GNL3L: variants seen among roughly 807,000 people sequenced by gnomAD.
GNL3L encodes the protein guanine nucleotide-binding protein-like 3-like protein.
Under a neutral mutation model 42.9 loss-of-function variants are expected in GNL3L, and 4 were observed. That is an observed-to-expected ratio of 0.09 (90% CI 0.05 to 0.21). GNL3L has a LOEUF of 0.21. Ranked by LOEUF, GNL3L falls within the 10% of genes least tolerant of loss-of-function variation. The pLI, the probability that GNL3L is intolerant of heterozygous loss-of-function variation, is 1.00. For missense variants in GNL3L, 412 were observed against 481.7 expected (o/e 0.86, Z 1.36); for synonymous variants, 159 against 176.3 (o/e 0.90, Z 0.78).
At chrX:54,605,197 T>C (rs748844905) in intron 16 of GNL3L, among the ~76,000 whole-genome samples, 2 of 112,026 alleles carry the variant, frequency 1.8e-5, no homozygotes, top group Non-Finnish European at 3.8e-5. Context: ...TGAATTTCCA[T>C]TTGCATACAT....
At chrX:54,608,221 G>A (rs1926121399) in intron 16 of GNL3L, among the ~76,000 whole-genome samples, 1 of 110,436 alleles carries the variant, frequency 9.1e-6, no homozygotes, top group African/African-American at 3.3e-5. Context: ...TCTTTTTTTT[G>A]CCTGACACTT....
chrX:54,632,651 G>T, the GNL3L span, among the ~76,000 whole-genome samples: 1 of 111,243 alleles, frequency 9.0e-6, no homozygotes, highest in South Asian at 3.8e-4. Flanking sequence ...TTTCTCTGGA[G>T]ATTTTCCTTC....
intron 16 of GNL3L, among the ~76,000 whole-genome samples, chrX:54,594,012 C>T (rs1367186458): frequency 9.0e-6 from 1 of 111,713 alleles, no homozygotes; most frequent in East Asian, 2.8e-4. Flanking sequence ...TGTTTTTTGA[C>T]CTAACATAAC....
At chrX:54,622,273 ATTTTTTTTTTTT>A (rs773487259), downstream of GNL3L, among the ~76,000 whole-genome samples, 15 of 59,002 alleles carry the variant, frequency 2.5e-4, no homozygotes, top group East Asian at 5.3e-4. Flanking sequence ...AGTTGCAGGA[ATTTTTTTTTTTT>A]TTTTTTTTTT....
intron 16 of GNL3L, among the ~76,000 whole-genome samples, chrX:54,596,661 C>T (rs1051728146): frequency 8.9e-6 from 1 of 112,229 alleles, no homozygotes; most frequent in Non-Finnish European, 1.9e-5. Flanking sequence ...ACCCCAGGCT[C>T]TGGGCAGGTC....
At position 54,562,502 on chromosome X, in the gene GNL3L, C is replaced by T. The variant is rs749263221; in HGVS notation, c.*1900C>T. Among the ~76,000 whole-genome samples the T allele has an allele frequency of 2.7e-5, 3 of 111,514 alleles. No individual in the cohort carries two copies. Among genetic ancestry groups the T allele is most frequent in the African/African-American group, 9.8e-5 (3 of 30,686 alleles). On this transcript the variant is annotated 3_prime_UTR_variant, in exon 16 of 16. Transcript: ENST00000360845. ...ACAAGACCACTCTTGTATTCAGGGG[C>T]AACCAAAGGAGAGAATTACGTACTT... is the stretch of plus-strand genomic sequence containing the variant.
At chrX:54,634,645 A>ATT in the GNL3L span, among the ~76,000 whole-genome samples, 1 of 93,193 alleles carries the variant, frequency 1.1e-5, no homozygotes. Context: ...AGCCTGGCTA[A>ATT]TTTTTTTTTT....
At chrX:54,547,731 G>A (rs889634380) in intron 8 of GNL3L, among the ~76,000 whole-genome samples, 3 of 111,424 alleles carry the variant, frequency 2.7e-5, no homozygotes, top group Non-Finnish European at 3.8e-5. Context: ...GGAAGAGGAG[G>A]GAGGGAATTC....
At position 54,607,082 on chromosome X, in the gene GNL3L, C is replaced by CTTTCTTTCTTTCT. The variant is rs1557200532; in HGVS notation, c.*46-13761_*46-13760insTCTTTCTTTCTTT. Among the ~76,000 whole-genome samples the CTTTCTTTCTTTCT allele has an allele frequency of 3.8e-3, 84 of 21,985 alleles. 9 individuals are homozygous for CTTTCTTTCTTTCT. Among genetic ancestry groups the CTTTCTTTCTTTCT allele is most frequent in the African/African-American group, 9.2e-3 (78 of 8,510 alleles). 19.1% of individuals were successfully genotyped at this position (21,985 alleles called of 115,157 possible). On this transcript the variant is annotated intron_variant, in intron 16 of 16. Coordinates refer to the GNL3L transcript ENST00000674498. ...TTTCTTTCTTTCTTTCTCTTTCTTT[C>CTTTCTTTCTTTCT]TTCTTTCTTTCTTTCTTTCTTTCTT...
intron 16 of GNL3L, among the ~76,000 whole-genome samples, chrX:54,590,759 TTATG>T (rs1405931703): frequency 3.6e-5 from 4 of 111,345 alleles, no homozygotes; most frequent in African/African-American, 9.9e-5. Context: ...GGTCTTAGAT[TTATG>T]TATTTATTTA....
At chrX:54,594,667 G>A (rs1026999244) in intron 16 of GNL3L, among the ~76,000 whole-genome samples, 24 of 109,196 alleles carry the variant, frequency 2.2e-4, no homozygotes, top group Non-Finnish European at 3.3e-4. Context: ...CTGGTTTTTT[G>A]GTTGTTTTGT....
intron 16 of GNL3L, among the ~76,000 whole-genome samples, chrX:54,619,854 G>A (rs1050752487): frequency 7.1e-5 from 8 of 111,920 alleles, no homozygotes; most frequent in African/African-American, 2.6e-4. Flanking sequence ...TAGTGAACCA[G>A]GCACTGGTAC....
intron 14 of GNL3L, among the ~76,000 whole-genome samples, chrX:54,555,054 C>T (rs147905629): frequency 0.012 from 1,288 of 109,990 alleles, 16 homozygotes; most frequent in African/African-American, 0.041. Flanking sequence ...ACTCTGTCAC[C>T]CAGGCTGCAG....
downstream of GNL3L, among the ~76,000 whole-genome samples, chrX:54,571,773 A>T (rs1925546933): frequency 9.3e-6 from 1 of 107,951 alleles, no homozygotes. Flanking sequence ...AGTTTATTGA[A>T]CTTCTTGGAT....
chrX:54,577,614 G>C (rs2147512560), intron 16 of GNL3L, among the ~76,000 whole-genome samples: 1 of 111,639 alleles, frequency 9.0e-6, no homozygotes, highest in African/African-American at 3.3e-5. Context: ...CCTTTCTACT[G>C]TTTCCAAGAG....
At chrX:54,583,850 C>T (rs896109330) in intron 16 of GNL3L, among the ~76,000 whole-genome samples, 1 of 110,154 alleles carries the variant, frequency 9.1e-6, no homozygotes. Flanking sequence ...GTCATGTTGC[C>T]CAGGCTGGTC....
intron 16 of GNL3L, among the ~76,000 whole-genome samples, chrX:54,581,127 A>T (rs1406009905): frequency 8.9e-6 from 1 of 112,413 alleles, no homozygotes; most frequent in Non-Finnish European, 1.9e-5. Flanking sequence ...ATACTGAGAA[A>T]TTCCATGTAA....
chrX:54,640,396 G>C, the GNL3L span, among the ~76,000 whole-genome samples: 1 of 112,065 alleles, frequency 8.9e-6, no homozygotes, highest in South Asian at 3.7e-4. Context: ...GCAGTTTTTA[G>C]GTTGTTGCAG....
At position 54,551,476 on chromosome X, in the gene GNL3L, A is replaced by C. The variant is rs904436419; in HGVS notation, c.864-92A>C. 7.0e-6 allele frequency: 5 copies of C among 718,693 alleles called. No individual in the cohort carries two copies. The African/African-American group carries it at 1.1e-4, about 15-fold the overall frequency. The allele number at this position is 718,693 out of a possible 1,213,427, so 59.2% of individuals were successfully genotyped here. A position where few individuals can be genotyped will look rare whatever the true frequency, so the allele number is the denominator to read the frequency against. The stretch of plus-strand genomic sequence containing the variant: ...TTCGTCTCTAATGCACCCTCCCCTC[A>C]CTCCTTTACACTCCCACATCCCAGG... On this transcript the variant is annotated intron_variant, in intron 10 of 15. Coordinates refer to ENST00000360845, the MANE Select transcript of GNL3L (RefSeq NM_001184819.2).
Sources: allele counts gnomAD v4.1 joint callset (sites outside exome capture counted in the v4.1 genomes callset), GRCh38; gene constraint gnomAD v4.1.1; transcripts MANE v1.5; gene names NCBI Gene and HGNC (gene_info 2026-07-23, HGNC 2026-07-21).